Variants in ABCD3 observed in about 807,000 individuals in gnomAD.
ABCD3 encodes ATP-binding cassette sub-family D member 3.
ABCD3 carries 41 observed loss-of-function variants against 105.5 expected under a neutral mutation model. The ratio of observed to expected loss-of-function variants is 0.39; its 90% CI spans 0.30 to 0.50. The LOEUF (loss-of-function observed/expected upper bound fraction) is 0.50, where lower values mean the gene tolerates loss of function less well. Ranked by LOEUF, ABCD3 falls within the 20% of genes least tolerant of loss-of-function variation. The pLI, the probability that ABCD3 is intolerant of heterozygous loss-of-function variation, is 0.84. For synonymous variants in ABCD3, 258 were observed against 269.0 expected (o/e 0.96, Z 0.40); for missense variants, 622 against 806.3 (o/e 0.77, Z 2.77).
Position 94,487,943 on chromosome 1 carries a change from C to T in ABCD3, c.1117C>T (p.Arg373Ter), listed in dbSNP as rs1390152195. Reference sequence around the variant, plus strand: ...TTTGCGAATGTCTCAAGCTCTGGGTCGAATAGTTTTGGCTGGGCGTGAAAT... The same window carrying T: ...TTTGCGAATGTCTCAAGCTCTGGGTTGAATAGTTTTGGCTGGGCGTGAAAT... ...MLLRMSQALG[R>*]IVLAGREMTR... Residue 373 changes from arginine (R) to a stop codon, truncating the protein, a stop_gained, in exon 13 of 23, where the codon CGA becomes TGA. Transcript: ENST00000370214. LOFTEE classifies it high-confidence loss of function. The T allele has an allele frequency of 4.3e-6, 7 of 1,613,508 alleles. No homozygotes were observed. Among genetic ancestry groups the T allele is most frequent in the Non-Finnish European group, 5.9e-6 (7 of 1,179,812 alleles).
chr1:94,395,800 C>T, the ABCD3 span, among the ~76,000 whole-genome samples: 12 of 152,028 alleles, frequency 7.9e-5, no homozygotes, highest in African/African-American at 2.7e-4. Flanking sequence ...CTCTATGAGA[C>T]TACAGTGTGA....
the ABCD3 span, among the ~76,000 whole-genome samples, chr1:94,389,631 C>T: frequency 1.2e-4 from 18 of 152,256 alleles, no homozygotes; most frequent in African/African-American, 4.1e-4. Flanking sequence ...AATCTCTGTT[C>T]CGGCCTCTCA....
At chr1:94,433,426 T>G (rs931278997) in intron 1 of ABCD3, among the ~76,000 whole-genome samples, 1 of 151,862 alleles carries the variant, frequency 6.6e-6, no homozygotes, top group African/African-American at 2.4e-5. Flanking sequence ...AGTGCTGGGA[T>G]TACAGGTGTG....
At chr1:94,430,787 A>G (rs1168898408) in intron 1 of ABCD3, among the ~76,000 whole-genome samples, 1 of 152,238 alleles carries the variant, frequency 6.6e-6, no homozygotes, top group African/African-American at 2.4e-5. Flanking sequence ...TTGTTAATTT[A>G]GTGAGTAGGC....
At chr1:94,472,311 GT>G in intron 4 of ABCD3, 1 of 700,454 alleles carries the variant, frequency 1.4e-6, no homozygotes, top group Non-Finnish European at 1.8e-6. Context: ...AAGCACTTTG[GT>G]TTTAAGTAAG....
intron 1 of ABCD3, among the ~76,000 whole-genome samples, chr1:94,447,572 G>C (rs937102432): frequency 1.3e-5 from 2 of 152,196 alleles, no homozygotes; most frequent in Non-Finnish European, 2.9e-5. Flanking sequence ...TAATTTGCCA[G>C]ACTTATGTAG....
intron 2 of ABCD3, among the ~76,000 whole-genome samples, chr1:94,460,876 A>G (rs1647835902): frequency 6.6e-6 from 1 of 152,150 alleles, no homozygotes; most frequent in African/African-American, 2.4e-5. Context: ...CTATCTGAGT[A>G]ATCAAATGTT....
Position 94,418,604 on chromosome 1 carries a change from G to T in ABCD3, c.110+16G>T, listed in dbSNP as rs1391824630. On this transcript the variant is annotated intron_variant, in intron 1 of 22. Transcript: ENST00000370214. ...GCCTGCACGGGTAAGAAGGCCCGTAGCCGTGCAGCTTTCCCGGGCTGGAGC... is the reference window on the plus strand; with the variant it reads ...GCCTGCACGGGTAAGAAGGCCCGTATCCGTGCAGCTTTCCCGGGCTGGAGC... 1 of 1,582,086 alleles carries T rather than the reference G, an allele frequency of 6.3e-7. No individual in the cohort carries two copies. Among genetic ancestry groups the T allele is most frequent in the Non-Finnish European group, 8.5e-7 (1 of 1,170,362 alleles).
Position 94,502,091 on chromosome 1 carries a change from TC to T in ABCD3, c.1740+2479del, listed in dbSNP as rs545494150. 2.8e-3 allele frequency among the ~76,000 whole-genome samples: 423 copies of T among 152,234 alleles called. 1 individual carries two copies. The highest frequency in any genetic ancestry group is 4.7e-3 in the Non-Finnish European group (319 of 68,008). ...AACAGTTCATCCCTTCCCCTTAACT[TC>T]CTTTCCCACTTTTTGTGTCATCGTA... On this transcript the variant is annotated intron_variant, in intron 20 of 22. Coordinates refer to ENST00000370214, the MANE Select transcript of ABCD3 (RefSeq NM_002858.4).
At chr1:94,505,137 G>A (rs1028315112) in intron 20 of ABCD3, among the ~76,000 whole-genome samples, 1 of 152,134 alleles carries the variant, frequency 6.6e-6, no homozygotes, top group Non-Finnish European at 1.5e-5. Context: ...TGAGAGTCCT[G>A]TGAGATACCC....
the ABCD3 span, chr1:94,406,471 TG>T: frequency 2.3e-6 from 1 of 428,910 alleles, no homozygotes; most frequent in Non-Finnish European, 4.7e-6. Context: ...TGTGCTTCTC[TG>T]GGTGGAACAG....
chr1:94,442,907 A>G (rs1040610453), intron 1 of ABCD3, among the ~76,000 whole-genome samples: 6 of 152,128 alleles, frequency 3.9e-5, no homozygotes, highest in African/African-American at 1.2e-4. Context: ...ACTGTTGTGA[A>G]TAGTGCTATG....
chr1:94,494,734 C>G (rs997270879), intron 16 of ABCD3, among the ~76,000 whole-genome samples: 9 of 152,148 alleles, frequency 5.9e-5, no homozygotes, highest in African/African-American at 1.7e-4. Context: ...CTCCCCAGTA[C>G]AGACATATTT....
At chr1:94,392,931 G>A in the ABCD3 span, among the ~76,000 whole-genome samples, 4,515 of 151,722 alleles carry the variant, frequency 0.03, 182 homozygotes, top group African/African-American at 0.087. Flanking sequence ...GGCCAACATG[G>A]TAAAACCCCG....
the ABCD3 span, chr1:94,406,804 A>AATT: frequency 1.3e-5 from 2 of 155,100 alleles, no homozygotes; most frequent in Non-Finnish European, 2.9e-5. Flanking sequence ...TATGTGGCCA[A>AATT]AGGAGCAATG....
the ABCD3 span, among the ~76,000 whole-genome samples, chr1:94,412,173 T>A: frequency 3.3e-5 from 5 of 152,270 alleles, no homozygotes; most frequent in South Asian, 2.1e-4. Context: ...ATTAAAAAAA[T>A]TTTTTTGATG....
chr1:94,489,628 T>C (rs2101023901), intron 13 of ABCD3, 97 bp from the exon 14 acceptor site: 1 of 837,838 alleles, frequency 1.2e-6, no homozygotes, highest in Non-Finnish European at 2.0e-6. Flanking sequence ...ACTTCATTTA[T>C]ACTAAATTAT....
In ABCD3 at chr1:94,418,433, C is replaced by A; in HGVS notation, c.-46C>A. 1.3e-6 allele frequency: 2 copies of A among 1,531,444 alleles called. No individual in the cohort carries two copies. Among genetic ancestry groups the A allele is most frequent in the Middle Eastern group, 2.0e-4 (1 of 4,960 alleles). The allele number at this position is 1,531,444 out of a possible 1,614,324, so 94.9% of individuals were successfully genotyped here. A position where few individuals can be genotyped will look rare whatever the true frequency, so the allele number is the denominator to read the frequency against. On this transcript the variant is annotated 5_prime_UTR_variant, in exon 1 of 23. Coordinates refer to ENST00000370214, the MANE Select transcript of ABCD3 (RefSeq NM_002858.4). ...CGTGCAGTAAGGTAGCCGCCGCCGC[C>A]GCCGCCGCCGCGTCCCCTCGCCGGC...
intron 1 of ABCD3, among the ~76,000 whole-genome samples, chr1:94,421,627 T>C (rs1659262601): frequency 6.6e-6 from 1 of 151,648 alleles, no homozygotes; most frequent in African/African-American, 2.4e-5. Flanking sequence ...CTCAGGGAGC[T>C]TACCTTCTTG....
Sources: gnomAD v4.1 joint callset for allele counts (sites outside exome capture counted in the v4.1 genomes callset) on GRCh38, gnomAD v4.1.1 for gene constraint, MANE v1.5 for transcripts, NCBI Gene and HGNC (gene_info 2026-07-23, HGNC 2026-07-21) for gene names.